TERB2: variants seen among roughly 807,000 people sequenced by gnomAD.
TERB2 encodes telomere repeat binding bouquet formation protein 2.
TERB2 carries 26 observed loss-of-function variants against 29.8 expected under a neutral mutation model. That is an observed-to-expected ratio of 0.87 (90% CI 0.64 to 1.21). The LOEUF (loss-of-function observed/expected upper bound fraction) is 1.21. Ranked by LOEUF, TERB2 falls within the 50% of genes most tolerant of loss-of-function variation. The pLI is 0.00. For synonymous variants in TERB2, 80 were observed against 90.8 expected (o/e 0.88, Z 0.68); for missense variants, 240 against 268.6 (o/e 0.89, Z 0.74).
At chr15:44,959,721 G>C (rs983415180) in intron 3 of TERB2, among the ~76,000 whole-genome samples, 6 of 152,116 alleles carry the variant, frequency 3.9e-5, no homozygotes. Context: ...CTCAATTCTT[G>C]ATATGTAGGT....
chr15:44,977,106 C>G (rs1021600132), intron 6 of TERB2, among the ~76,000 whole-genome samples: 1 of 151,944 alleles, frequency 6.6e-6, no homozygotes, highest in Non-Finnish European at 1.5e-5. Flanking sequence ...AAAACACACA[C>G]ACACACACAC....
chr15:44,957,005 T>C (rs1202003860), intron 2 of TERB2, 28 bp downstream of exon 2: 1 of 1,591,878 alleles, frequency 6.3e-7, no homozygotes, highest in Non-Finnish European at 8.6e-7. Flanking sequence ...GCAGTGCCTC[T>C]TATGTTAGGA....
intron 5 of TERB2, among the ~76,000 whole-genome samples, chr15:44,968,584 CTTTTTTTT>C (rs34188520): frequency 3.0e-5 from 3 of 98,500 alleles, no homozygotes; most frequent in Non-Finnish European, 5.8e-5. Flanking sequence ...TTTGTTTAAC[CTTTTTTTT>C]TTTTTTTTTT....
At chr15:44,978,358 T>G in intron 6 of TERB2, 131 bp from the exon 7 acceptor site, 4 of 1,262,278 alleles carry the variant, frequency 3.2e-6, no homozygotes, top group Non-Finnish European at 4.1e-6. Context: ...TCACTGGTAT[T>G]ATTTCTTCTT....
chr15:44,974,707 G>T (rs1438560850), intron 6 of TERB2, among the ~76,000 whole-genome samples: 1 of 152,056 alleles, frequency 6.6e-6, no homozygotes, highest in Non-Finnish European at 1.5e-5. Context: ...TAAAAATAGA[G>T]ATTTTTTTAA....
intron 4 of TERB2, among the ~76,000 whole-genome samples, chr15:44,963,801 AT>A (rs1358739221): frequency 7.8e-6 from 1 of 128,236 alleles, no homozygotes; most frequent in Non-Finnish European, 1.6e-5. Flanking sequence ...TTATTATACT[AT>A]TCTTTTTTTT....
At chr15:44,973,664 A>T (rs184951114) in intron 5 of TERB2, 66 of 277,926 alleles carry the variant, frequency 2.4e-4, no homozygotes, top group African/African-American at 3.2e-4. Context: ...ATATATTTTT[A>T]AAAAATCACT....
intron 6 of TERB2, among the ~76,000 whole-genome samples, chr15:44,975,136 T>G (rs577829712): frequency 6.6e-6 from 1 of 152,312 alleles, no homozygotes; most frequent in East Asian, 1.9e-4. Flanking sequence ...GTGGTAATAC[T>G]CTGTTGTGAA....
intron 2 of TERB2, among the ~76,000 whole-genome samples, 184 bp from the exon 3 acceptor site, chr15:44,958,189 T>C (rs1891748498): frequency 6.6e-6 from 1 of 152,208 alleles, no homozygotes; most frequent in Non-Finnish European, 1.5e-5. Flanking sequence ...ATGTGCCAGA[T>C]ATAGGCCCCC....
Position 44,978,761 on chromosome 15 carries a change from T to A in TERB2, c.*133T>A, listed in dbSNP as rs16976876. On this transcript the variant is annotated 3_prime_UTR_variant, in exon 7 of 7. Transcript: ENST00000340827. ...TAATTTTTCTGTTTCTCAAAGTATA[T>A]CTTTAGGAAATACAGAATCATTTTG... is the stretch of plus-strand genomic sequence containing the variant. The A allele has an allele frequency of 0.13, 148,616 of 1,177,450 alleles. 11,512 individuals carry two copies. The highest frequency in any genetic ancestry group is 0.33 in the East Asian group (11,331 of 34,378). 72.9% of individuals were successfully genotyped at this position (1,177,450 alleles called of 1,614,324 possible).
At chr15:44,966,850 G>A (rs1455211045) in intron 5 of TERB2, among the ~76,000 whole-genome samples, 1 of 152,174 alleles carries the variant, frequency 6.6e-6, no homozygotes, top group Non-Finnish European at 1.5e-5. Flanking sequence ...TGTAATCTCA[G>A]CACTTAGGGA....
At position 44,966,197 on chromosome 15, in the gene TERB2, GA is replaced by G; in HGVS notation, c.392del (p.Asn131ThrfsTer4). On this transcript the variant is annotated frameshift_variant, in exon 5 of 7. Coordinates refer to ENST00000340827, the MANE Select transcript of TERB2 (RefSeq NM_152448.3). LOFTEE classifies it high-confidence loss of function. ...VTPNEIKTLR[E>X]NSELATEHKK... Reference sequence around the variant, plus strand: ...ACCAAATGAAATAAAGACCCTTAGGGAAAACAGTGAACTAGCAACAGAGCAC... The same window carrying G: ...ACCAAATGAAATAAAGACCCTTAGGGAAACAGTGAACTAGCAACAGAGCAC... 2 of 1,559,834 alleles carry G rather than the reference GA, an allele frequency of 1.3e-6. No homozygotes were observed. Among genetic ancestry groups the G allele is most frequent in the African/African-American group, 1.4e-5 (1 of 71,838 alleles).
chr15:44,963,241 C>T (rs1466628760), intron 4 of TERB2, among the ~76,000 whole-genome samples: 4 of 152,162 alleles, frequency 2.6e-5, no homozygotes, highest in Non-Finnish European at 5.9e-5. Flanking sequence ...CTGGCAGGCA[C>T]CATTTAACTA....
intron 2 of TERB2, among the ~76,000 whole-genome samples, chr15:44,957,459 G>C (rs1026953567): frequency 6.6e-6 from 1 of 151,994 alleles, no homozygotes; most frequent in Non-Finnish European, 1.5e-5. Flanking sequence ...GCGCCTTGAA[G>C]GCCCCTCATA....
At chr15:44,965,496 ATATAT>A (rs890781083) in intron 4 of TERB2, among the ~76,000 whole-genome samples, 7 of 144,318 alleles carry the variant, frequency 4.9e-5, no homozygotes, top group Non-Finnish European at 4.5e-5. Flanking sequence ...TTATATAGAT[ATATAT>A]TATATTTATA....
intron 6 of TERB2, 51 bp from the exon 7 acceptor site, chr15:44,978,438 T>C (rs1477054155): frequency 6.8e-7 from 1 of 1,478,492 alleles, no homozygotes; most frequent in Admixed American, 2.3e-5. Context: ...GAAAAGCAAA[T>C]AGTATGAGCG....
At chr15:44,976,666 G>A (rs1325847722) in intron 6 of TERB2, among the ~76,000 whole-genome samples, 1 of 152,126 alleles carries the variant, frequency 6.6e-6, no homozygotes, top group Non-Finnish European at 1.5e-5. Context: ...GGGGCCACTG[G>A]GTGGCTGGCT....
chr15:44,965,570 T>A (rs1485787128), intron 4 of TERB2, among the ~76,000 whole-genome samples: 22 of 144,196 alleles, frequency 1.5e-4, no homozygotes, highest in Non-Finnish European at 2.7e-4. Context: ...TATCTATATA[T>A]TATATAAATC....
In TERB2 at chr15:44,956,952, G is replaced by T; in HGVS notation, c.121G>T (p.Asp41Tyr). The T allele has an allele frequency of 6.2e-7, 1 of 1,613,884 alleles. No homozygotes were observed. The highest frequency in any genetic ancestry group is 1.1e-5 in the South Asian group (1 of 91,082). Residue 41 changes from aspartate to tyrosine, a missense_variant, in exon 2 of 7, where the codon GAT (aspartate) becomes TAT (tyrosine). Physicochemically the swap from Asp to Tyr is radical, Grantham distance 160. Transcript: ENST00000340827. ...AGCCGCCGACTTCTTGTTCAGCTGTGATGCCTCGCACCCAGACACGCTGAG... is the reference window on the plus strand; with the variant it reads ...AGCCGCCGACTTCTTGTTCAGCTGTTATGCCTCGCACCCAGACACGCTGAG... ...PRAADFLFSC[D>Y]ASHPDTLRIY...
Sources: gnomAD v4.1 joint callset for allele counts (sites outside exome capture counted in the v4.1 genomes callset) on GRCh38, gnomAD v4.1.1 for gene constraint, MANE v1.5 for transcripts, NCBI Gene and HGNC (gene_info 2026-07-23, HGNC 2026-07-21) for gene names.